Variants in ZCCHC10 observed in about 807,000 individuals in gnomAD.
ZCCHC10 encodes zinc finger CCHC-type containing 10.
ZCCHC10 carries 16 observed loss-of-function variants against 19.5 expected under a neutral mutation model. That is an observed-to-expected ratio of 0.82 (90% CI 0.56 to 1.25). The LOEUF is 1.25. Among genes scored for constraint, ZCCHC10 ranks in the 50% most tolerant of loss-of-function variants. The probability of loss-of-function intolerance (pLI) is 0.00; values close to 1 mark genes in which losing one functional copy is unlikely to be tolerated. For missense variants in ZCCHC10, 197 were observed against 201.0 expected (o/e 0.98, Z 0.12); for synonymous variants, 67 against 72.5 (o/e 0.92, Z 0.38).
chr5:133,006,202 G>A (rs1460539980), intron 3 of ZCCHC10, among the ~76,000 whole-genome samples: 3 of 151,678 alleles, frequency 2.0e-5, no homozygotes, highest in Non-Finnish European at 4.4e-5. Flanking sequence ...CCAGGCGTCG[G>A]CCTCCCAAAG....
At chr5:133,026,410 G>A in intron 1 of ZCCHC10, 87 bp downstream of exon 1, 1 of 1,541,290 alleles carries the variant, frequency 6.5e-7, no homozygotes, top group African/African-American at 1.4e-5. Context: ...TTCTCCGCCG[G>A]TCCCAATAGG....
intron 4 of ZCCHC10, 47 bp downstream of exon 4, chr5:133,000,085 A>G: frequency 6.3e-7 from 1 of 1,587,974 alleles, no homozygotes; most frequent in Non-Finnish European, 8.6e-7. Flanking sequence ...CATCCCGCCA[A>G]TTAGTATTAC....
At chr5:133,024,258 T>C (rs1459401046) in intron 1 of ZCCHC10, among the ~76,000 whole-genome samples, 5 of 152,232 alleles carry the variant, frequency 3.3e-5, no homozygotes, top group Non-Finnish European at 7.3e-5. Context: ...TTCATTTAAC[T>C]CCTCTGACCT....
Position 132,998,743 on chromosome 5 carries a change from T to C in ZCCHC10, c.419A>G (p.Asp140Gly). 1 of 1,614,154 alleles carries C rather than the reference T, an allele frequency of 6.2e-7. No individual in the cohort carries two copies. The highest frequency in any genetic ancestry group is 8.5e-7 in the Non-Finnish European group (1 of 1,180,026). Residue 140 changes from aspartate to glycine, a missense_variant, in exon 5 of 5, where the codon GAC (aspartate) becomes GGC (glycine). By Grantham distance (94) the Asp-to-Gly change is moderately conservative. Transcript: ENST00000509437. ...TSTSSSSEDS[D>G]TDESSSSSSS... ...GGAACTAGAGGAGCTTTCATCAGTG[T>C]CACTGTCCTCTGAGGAGGAAGAGGT... is the stretch of plus-strand genomic sequence containing the variant.
At chr5:133,006,986 T>TA (rs1162684614) in intron 2 of ZCCHC10, 66 bp from the exon 3 acceptor site, 3 of 1,389,826 alleles carry the variant, frequency 2.2e-6, no homozygotes, top group South Asian at 1.6e-5. Context: ...CTAAAAACTA[T>TA]AAAAAAATAT....
rs775827637 is a variant in ZCCHC10 at position 132,998,704 on chromosome 5, G to C, written c.458C>G (p.Ser153Cys). Residue 153 changes from serine to cysteine, a missense_variant, in exon 5 of 5, where the codon TCC becomes TGC. Physicochemically the swap from Ser to Cys is moderately radical, Grantham distance 112. Coordinates refer to ENST00000509437, the MANE Select transcript of ZCCHC10 (RefSeq NM_001300816.3). The stretch of plus-strand genomic sequence containing the variant: ...AGAGGAGGAGGAAGAGGTTGTGGAG[G>C]AGGCTGAGGATGAGGAACTAGAGGA... Reference protein sequence around the residue: ...ESSSSSSSSASSTTSSSSSDS... With the variant: ...ESSSSSSSSACSTTSSSSSDS... 3 of 1,614,160 alleles carry C rather than the reference G, an allele frequency of 1.9e-6. No homozygotes were observed. The highest frequency in any genetic ancestry group is 1.7e-6 in the Non-Finnish European group (2 of 1,180,022).
At chr5:133,021,030 G>A (rs1181146208) in intron 2 of ZCCHC10, among the ~76,000 whole-genome samples, 2 of 152,288 alleles carry the variant, frequency 1.3e-5, no homozygotes, top group East Asian at 1.9e-4. Flanking sequence ...CTGAGTAGCT[G>A]GGACTACAGG....
chr5:133,009,613 C>CAAAAAAAAAA (rs59555378), intron 2 of ZCCHC10, among the ~76,000 whole-genome samples: 39 of 55,466 alleles, frequency 7.0e-4, no homozygotes, highest in Middle Eastern at 0.011. Context: ...GACTCCGTCT[C>CAAAAAAAAAA]AAAAAAAAAA....
chr5:133,021,715 T>C (rs1764323361), intron 2 of ZCCHC10, among the ~76,000 whole-genome samples: 2 of 152,232 alleles, frequency 1.3e-5, no homozygotes, highest in South Asian at 2.1e-4. Context: ...TTATAAATAC[T>C]GTACATTAGG....
Position 132,998,753 on chromosome 5 carries a change from C to T in ZCCHC10, c.409G>A (p.Glu137Lys). ...SEETSTSSSS[E>K]DSDTDESSSS... ...GAGCTTTCATCAGTGTCACTGTCCTCTGAGGAGGAAGAGGTAGATGTTTCT... is the reference window on the plus strand; with the variant it reads ...GAGCTTTCATCAGTGTCACTGTCCTTTGAGGAGGAAGAGGTAGATGTTTCT... Residue 137 changes from glutamate to lysine, a missense_variant, in exon 5 of 5, where the codon GAG becomes AAG. Coordinates refer to ENST00000509437, the MANE Select transcript of ZCCHC10 (RefSeq NM_001300816.3). The T allele has an allele frequency of 6.2e-7, 1 of 1,614,088 alleles. No homozygotes were observed. Among genetic ancestry groups the T allele is most frequent in the Non-Finnish European group, 8.5e-7 (1 of 1,180,018 alleles).
chr5:133,009,056 A>G (rs1763323818), intron 2 of ZCCHC10, among the ~76,000 whole-genome samples: 2 of 151,930 alleles, frequency 1.3e-5, no homozygotes, highest in Admixed American at 1.3e-4. Flanking sequence ...GCCCAGGCCA[A>G]GAGTGCAGTG....
intron 2 of ZCCHC10, among the ~76,000 whole-genome samples, chr5:133,022,494 G>A (rs935101503): frequency 3.3e-5 from 5 of 149,672 alleles, no homozygotes; most frequent in Admixed American, 1.3e-4. Flanking sequence ...TCGGTCTGTC[G>A]CCAGGCTGGA....
At chr5:133,010,460 CA>C (rs767607366) in intron 2 of ZCCHC10, among the ~76,000 whole-genome samples, 4 of 151,990 alleles carry the variant, frequency 2.6e-5, no homozygotes, top group Non-Finnish European at 4.4e-5. Context: ...TGAGAGAAAA[CA>C]AATTTCCATA....
chr5:133,017,421 G>C (rs1455903968), intron 2 of ZCCHC10, among the ~76,000 whole-genome samples: 1 of 151,938 alleles, frequency 6.6e-6, no homozygotes, highest in African/African-American at 2.4e-5. Flanking sequence ...CCAGACTGGA[G>C]TGTGATGATG....
intron 2 of ZCCHC10, among the ~76,000 whole-genome samples, chr5:133,008,224 CAAAA>C (rs1226503517): frequency 1.5e-5 from 1 of 68,650 alleles, no homozygotes; most frequent in Admixed American, 1.8e-4. Flanking sequence ...GACTCTGTCT[CAAAA>C]AAAAAAAAAA....
Position 133,019,733 on chromosome 5 carries a change from T to C in ZCCHC10, c.107+3108A>G, listed in dbSNP as rs181120495. ...ACTTTGGGAGGCGAAGGCGGGTGGA[T>C]CACTTGAGGTCAGGAGTTCAAGACC... On this transcript the variant is annotated intron_variant, in intron 2 of 4. Coordinates refer to ENST00000509437, the MANE Select transcript of ZCCHC10 (RefSeq NM_001300816.3). Among the ~76,000 whole-genome samples, 10 of 151,962 alleles carry C rather than the reference T, an allele frequency of 6.6e-5. 1 individual carries two copies. The highest frequency in any genetic ancestry group is 6.6e-4 in the Admixed American group (10 of 15,248).
Position 133,007,298 on chromosome 5 carries a change from T to C in ZCCHC10, c.108-378A>G, listed in dbSNP as rs556481451. On this transcript the variant is annotated intron_variant, in intron 2 of 4. Transcript: ENST00000509437. Reference sequence around the variant, plus strand: ...TGGCTCACACCTATAATCCCAGCACTTTGGGAGGCTAAGGCAGGCGGATTA... The same window carrying C: ...TGGCTCACACCTATAATCCCAGCACCTTGGGAGGCTAAGGCAGGCGGATTA... Among the ~76,000 whole-genome samples the C allele has an allele frequency of 3.5e-3, 533 of 152,232 alleles. 2 individuals are homozygous for C. The highest frequency in any genetic ancestry group is 0.02 in the Middle Eastern group (6 of 294).
chr5:133,001,416 C>T (rs1252297450), intron 3 of ZCCHC10, among the ~76,000 whole-genome samples: 1 of 151,566 alleles, frequency 6.6e-6, no homozygotes, highest in Non-Finnish European at 1.5e-5. Context: ...ACAACAACAA[C>T]AACAAGAAAA....
Position 133,000,133 on chromosome 5 carries a change from T to C in ZCCHC10, c.310A>G (p.Arg104Gly). Reference protein sequence around the residue: ...TNVERKAKKKRSKSVTSSSSS... With the variant: ...TNVERKAKKKGSKSVTSSSSS... Reference sequence around the variant, plus strand: ...AAACACTGCTAAAACCACACATACCTTTTTTTCTTGGCCTTTCTTTCTACA... The same window carrying C: ...AAACACTGCTAAAACCACACATACCCTTTTTTCTTGGCCTTTCTTTCTACA... Residue 104 changes from arginine (R) to glycine (G), a missense_variant and splice_region_variant, in exon 4 of 5, where the codon AGG (arginine) becomes GGG (glycine). By Grantham distance (125) the Arg-to-Gly change is moderately radical (BLOSUM62 -2). Coordinates refer to ENST00000509437, the MANE Select transcript of ZCCHC10 (RefSeq NM_001300816.3). 1 of 1,612,164 alleles carries C rather than the reference T, an allele frequency of 6.2e-7. No individual in the cohort carries two copies. The highest frequency in any genetic ancestry group is 8.5e-7 in the Non-Finnish European group (1 of 1,179,032).
Sources: allele counts gnomAD v4.1 joint callset (sites outside exome capture counted in the v4.1 genomes callset), GRCh38; gene constraint gnomAD v4.1.1; transcripts MANE v1.5; gene names NCBI Gene and HGNC (gene_info 2026-07-23, HGNC 2026-07-21).